Variants in MON1B observed in about 807,000 individuals in gnomAD.
The protein encoded by MON1B is vacuolar fusion protein MON1 homolog B.
In MON1B, 26 loss-of-function variants were observed where a neutral mutation model predicts 45.1. That is an observed-to-expected ratio of 0.58 (90% CI 0.42 to 0.80). MON1B has a LOEUF of 0.80. Ranked by LOEUF, MON1B falls within the 30% of genes least tolerant of loss-of-function variation. The probability of loss-of-function intolerance (pLI) is 0.00; values close to 1 mark genes in which losing one functional copy is unlikely to be tolerated. For missense variants in MON1B, 737 were observed against 754.5 expected (o/e 0.98, Z 0.27); for synonymous variants, 395 against 320.2 (o/e 1.23, Z -2.49).
rs200261417 is a variant in MON1B at position 77,198,326 on chromosome 16, C to A, written c.*18C>A. ...GACTCTGATAGTTGGAGCTCCCAGA[C>A]CAGGCAGTGCTGGGAGCAACCACCT... On this transcript the variant is annotated 3_prime_UTR_variant, in exon 6 of 6. Coordinates refer to ENST00000248248, the MANE Select transcript of MON1B (RefSeq NM_014940.4). 57 of 1,608,480 alleles carry A rather than the reference C, an allele frequency of 3.5e-5. No individual in the cohort carries two copies. The highest frequency in any genetic ancestry group is 4.3e-6 in the Non-Finnish European group (5 of 1,174,872).
Position 77,195,559 on chromosome 16 carries a change from C to T in MON1B, c.1320C>T (p.Ser440=), listed in dbSNP as rs778827471. The change falls in exon 5 of 6, where the codon AGC becomes AGT. Residue 440 remains serine, a synonymous_variant. Transcript: ENST00000248248. The part of the protein sequence containing the change: ...FTSPELEAPY[S]REEERQRLSD... ...GCCCTGAGCTAGAGGCCCCCTACAG[C>T]AGAGAGGAGGAGCGGCAGCGGCTGT... is the stretch of plus-strand genomic sequence containing the variant. 2 of 1,613,926 alleles carry T rather than the reference C, an allele frequency of 1.2e-6. No individual in the cohort carries two copies. The highest frequency in any genetic ancestry group is 1.7e-6 in the Non-Finnish European group (2 of 1,179,904).
rs1229854135 is a variant in MON1B, at chr16:77,200,274, G to GTATATATATATATATATATATA, written c.*1984_*1985insTATATATATATATATATATATA. 7.9e-5 allele frequency: 9 copies of GTATATATATATATATATATATA among 113,570 alleles called. No homozygotes were observed. The highest frequency in any genetic ancestry group is 2.6e-4 in the South Asian group (1 of 3,862). The allele number at this position is 113,570 out of a possible 1,614,324, so 7.0% of individuals were successfully genotyped here. A position where few individuals can be genotyped will look rare whatever the true frequency, so the allele number is the denominator to read the frequency against. On this transcript the variant is annotated 3_prime_UTR_variant, in exon 6 of 6. Transcript: ENST00000248248. ...TATATGTGTATATATATATATATGTGTATATATATATATATATACACACAC... is the reference window on the plus strand; with the variant it reads ...TATATGTGTATATATATATATATGTGTATATATATATATATATATATATATATATATATATATATACACACAC...
chr16:77,194,327 T>C lies in MON1B; in HGVS notation c.476-8T>C, dbSNP rs1004502466. 10 of 1,601,530 alleles carry C rather than the reference T, an allele frequency of 6.2e-6. No individual in the cohort carries two copies. The Admixed American group carries it at 1.7e-4, about 27-fold the overall frequency. ...TGTACCCCCCCTTCTTACCCCTTCCTTCCCTAGAGGACCACAAGCTGGTGT... is the reference window on the plus strand; with the variant it reads ...TGTACCCCCCCTTCTTACCCCTTCCCTCCCTAGAGGACCACAAGCTGGTGT... On this transcript the variant is annotated splice_polypyrimidine_tract_variant and splice_region_variant and intron_variant, in intron 3 of 5. Transcript: ENST00000248248. The surrounding 1 kb of genome is among the most constrained non-coding windows in gnomAD (Gnocchi z 8.1).
At chr16:77,197,527 A>G (rs2054678237) in intron 5 of MON1B, among the ~76,000 whole-genome samples, 1 of 152,170 alleles carries the variant, frequency 6.6e-6, no homozygotes, top group Non-Finnish European at 1.5e-5. Flanking sequence ...GGATATTAGG[A>G]GGAAGAGTAC....
chr16:77,191,457 C>G lies in MON1B; in HGVS notation c.-10-19C>G, dbSNP rs755786485. The G allele has an allele frequency of 3.2e-6, 5 of 1,583,946 alleles. No homozygotes were observed. In the South Asian group the frequency reaches 5.7e-5, roughly 18 times the overall value. On this transcript the variant is annotated intron_variant, in intron 1 of 5. Coordinates refer to ENST00000248248, the MANE Select transcript of MON1B (RefSeq NM_014940.4). ...AGTTTCTTTCACCGCCCGTCACCCT[C>G]GATTCCCCTCCCACTCAGGGATGTG...
chr16:77,193,479 C>A lies in MON1B; in HGVS notation c.177C>A (p.Ser59Arg). The A allele has an allele frequency of 6.3e-7, 1 of 1,578,190 alleles. No homozygotes were observed. Reference sequence around the variant, plus strand: ...CCAAGGACAAGGACCAGCCACCCAGCCCATCACCACCGCCCCAGTCAGAGG... The same window carrying A: ...CCAAGGACAAGGACCAGCCACCCAGACCATCACCACCGCCCCAGTCAGAGG... ...TGSKDKDQPP[S>R]PSPPPQSEAL... The change falls in exon 3 of 6, where the codon AGC (serine) becomes AGA (arginine). Residue 59 changes from serine (S) to arginine (R), a missense_variant. Physicochemically the swap from Ser to Arg is moderately radical, Grantham distance 110. Coordinates refer to ENST00000248248, the MANE Select transcript of MON1B (RefSeq NM_014940.4). This position sits in a 1 kb window ranked among gnomAD's most constrained non-coding sequence, Gnocchi z 5.0.
At chr16:77,197,193 C>G (rs1243599658) in intron 5 of MON1B, among the ~76,000 whole-genome samples, 4 of 151,908 alleles carry the variant, frequency 2.6e-5, no homozygotes, top group African/African-American at 7.3e-5. Flanking sequence ...GTCAGGAGTT[C>G]GAGACCAGCC....
rs370993563 is a variant in MON1B, at chr16:77,191,303, T to G, written c.-11+45T>G. On this transcript the variant is annotated intron_variant, in intron 1 of 5. Transcript: ENST00000248248. ...TCCTGAGGCCCAGTAGAGTCTCCTC[T>G]TTTCGGAAAGTGTTGGAGGGGGGAC... The G allele has an allele frequency of 2.4e-5, 37 of 1,535,880 alleles. No individual in the cohort carries two copies. The East Asian group carries it at 6.6e-4, about 27-fold the overall frequency.
In MON1B at chr16:77,201,477, T is replaced by C. The variant is rs933225502; in HGVS notation, c.*3169T>C. 11 of 152,212 alleles carry C rather than the reference T, an allele frequency of 7.2e-5. No individual in the cohort carries two copies. Among genetic ancestry groups the C allele is most frequent in the African/African-American group, 2.7e-4 (11 of 41,458 alleles). 9.4% of individuals were successfully genotyped at this position (152,212 alleles called of 1,614,324 possible). On this transcript the variant is annotated 3_prime_UTR_variant, in exon 6 of 6. Coordinates refer to ENST00000248248, the MANE Select transcript of MON1B (RefSeq NM_014940.4). The stretch of plus-strand genomic sequence containing the variant: ...GCATAGTATCTGGTATTGACGACCT[T>C]GTAGAGAAACAGGCCTTTTCCTGCC...
chr16:77,199,353 G>A lies in MON1B; in HGVS notation c.*1045G>A. ...CTGATTTAACCGCTGGCGTAACCGC[G>A]GGTTGCACGCATGCGTGCTGAAAAG... On this transcript the variant is annotated 3_prime_UTR_variant, in exon 6 of 6. Transcript: ENST00000248248. 4.9e-6 allele frequency: 6 copies of A among 1,215,340 alleles called. No individual in the cohort carries two copies. Among genetic ancestry groups the A allele is most frequent in the Non-Finnish European group, 7.0e-6 (6 of 854,580 alleles). The allele number at this position is 1,215,340 out of a possible 1,614,324, so 75.3% of individuals were successfully genotyped here.
In MON1B at chr16:77,202,309, G is replaced by C. The variant is rs545393128; in HGVS notation, c.*4001G>C. On this transcript the variant is annotated 3_prime_UTR_variant, in exon 6 of 6. Transcript: ENST00000248248. ...AGAATCACTCACAAATGGGAAATCTGATATAAGGACAAAATGGGAGCACTG... is the reference window on the plus strand; with the variant it reads ...AGAATCACTCACAAATGGGAAATCTCATATAAGGACAAAATGGGAGCACTG... The C allele has an allele frequency of 1.3e-5, 2 of 152,298 alleles. No individual in the cohort carries two copies. Among genetic ancestry groups the C allele is most frequent in the East Asian group, 3.9e-4 (2 of 5,188 alleles). The allele number at this position is 152,298 out of a possible 1,614,324, so 9.4% of individuals were successfully genotyped here.
rs577294720 is a variant in MON1B at position 77,195,075 on chromosome 16, G to A, written c.1216G>A (p.Gly406Arg). 1.0e-5 allele frequency: 16 copies of A among 1,605,676 alleles called. No individual in the cohort carries two copies. Among genetic ancestry groups the A allele is most frequent in the East Asian group, 8.9e-5 (4 of 44,818 alleles). ...TCCTGCCTACAGCGTGCAGGCTGTCGGGGCGCCGGGCCTCCGGCACTTCCT... is the reference window on the plus strand; with the variant it reads ...TCCTGCCTACAGCGTGCAGGCTGTCAGGGCGCCGGGCCTCCGGCACTTCCT... ...SAPAYSVQAV[G>R]APGLRHFLYK... Residue 406 changes from glycine (G) to arginine (R), a missense_variant, in exon 4 of 6, where the codon GGG becomes AGG. Physicochemically the swap from Gly to Arg is moderately radical, Grantham distance 125. Transcript: ENST00000248248.
In MON1B at chr16:77,200,300, T is replaced by A. The variant is rs1272506455; in HGVS notation, c.*1992T>A. On this transcript the variant is annotated 3_prime_UTR_variant, in exon 6 of 6. Transcript: ENST00000248248. ...TATATATATATATATATACACACAC[T>A]AATCAGCCGGGCGCGGTGGTGTGGG... 2 of 58,396 alleles carry A rather than the reference T, an allele frequency of 3.4e-5. No individual in the cohort carries two copies. The highest frequency in any genetic ancestry group is 1.5e-4 in the Admixed American group (1 of 6,768). 3.6% of individuals were successfully genotyped at this position (58,396 alleles called of 1,614,324 possible). A position where few individuals can be genotyped will look rare whatever the true frequency, so the allele number is the denominator to read the frequency against.
At position 77,195,297 on chromosome 16, in the gene MON1B, A is replaced by T. The variant is rs912006641; in HGVS notation, c.1295+143A>T. 10 of 1,023,586 alleles carry T rather than the reference A, an allele frequency of 9.8e-6. No individual in the cohort carries two copies. The African/African-American group carries it at 1.5e-4, about 15-fold the overall frequency. 63.4% of individuals were successfully genotyped at this position (1,023,586 alleles called of 1,614,324 possible). ...AGAACAAGTCTCTGTCTGATGATGG[A>T]GCATCAGCCACAGACCTAAAGGAAT... On this transcript the variant is annotated intron_variant, in intron 4 of 5. Transcript: ENST00000248248.
Position 77,193,499 on chromosome 16 carries a change from C to T in MON1B, c.197C>T (p.Ser66Leu), listed in dbSNP as rs758704679. ...CCCAGCCCATCACCACCGCCCCAGT[C>T]AGAGGCCCTGTCAAGCACCTCTCGG... ...QPPSPSPPPQ[S>L]EALSSTSRLW... Residue 66 changes from serine to leucine, a missense_variant, in exon 3 of 6, where the codon TCA (serine) becomes TTA (leucine). Ser to Leu is a moderately radical substitution (Grantham distance 145, BLOSUM62 -2). Coordinates refer to ENST00000248248, the MANE Select transcript of MON1B (RefSeq NM_014940.4). The surrounding 1 kb of genome is among the most constrained non-coding windows in gnomAD (Gnocchi z 5.0). 6.2e-7 allele frequency: 1 copy of T among 1,602,540 alleles called. No homozygotes were observed. Among genetic ancestry groups the T allele is most frequent in the Non-Finnish European group, 8.5e-7 (1 of 1,172,936 alleles).
Position 77,199,382 on chromosome 16 carries a change from T to G in MON1B, c.*1074T>G, listed in dbSNP as rs1025136002. On this transcript the variant is annotated 3_prime_UTR_variant, in exon 6 of 6. Transcript: ENST00000248248. ...TGCACGCATGCGTGCTGAAAAGCCT[T>G]TCACCCTCACGTGGTTTCTTTTTTA... 7.4e-6 allele frequency: 11 copies of G among 1,491,642 alleles called. No homozygotes were observed. The highest frequency in any genetic ancestry group is 9.1e-6 in the Non-Finnish European group (10 of 1,095,774). 92.4% of individuals were successfully genotyped at this position (1,491,642 alleles called of 1,614,324 possible). A position where few individuals can be genotyped will look rare whatever the true frequency, so the allele number is the denominator to read the frequency against.
Position 77,199,329 on chromosome 16 carries a change from TG to T in MON1B, c.*1022del. On this transcript the variant is annotated 3_prime_UTR_variant, in exon 6 of 6. Transcript: ENST00000248248. Reference sequence around the variant, plus strand: ...TCTGCGCCTGCCCAGAGCTGACTCCTGATTTAACCGCTGGCGTAACCGCGGG... The same window carrying T: ...TCTGCGCCTGCCCAGAGCTGACTCCTATTTAACCGCTGGCGTAACCGCGGG... 1 of 931,992 alleles carries T rather than the reference TG, an allele frequency of 1.1e-6. No individual in the cohort carries two copies. Among genetic ancestry groups the T allele is most frequent in the Non-Finnish European group, 1.6e-6 (1 of 609,296 alleles). 57.7% of individuals were successfully genotyped at this position (931,992 alleles called of 1,614,324 possible). A position where few individuals can be genotyped will look rare whatever the true frequency, so the allele number is the denominator to read the frequency against.
In MON1B at chr16:77,195,649, C is replaced by T; in HGVS notation, c.1410C>T (p.Tyr470=). The T allele has an allele frequency of 6.2e-7, 1 of 1,614,158 alleles. No individual in the cohort carries two copies. The highest frequency in any genetic ancestry group is 8.5e-7 in the Non-Finnish European group (1 of 1,180,032). The change falls in exon 5 of 6, where the codon TAC becomes TAT. Residue 470 remains tyrosine (Y), a synonymous_variant. Transcript: ENST00000248248. Reference sequence around the variant, plus strand: ...CCTCCCGACCCCTGCGCCTCATTTACCACGTGGCTGAGAAGGAGACACTAC... The same window carrying T: ...CCTCCCGACCCCTGCGCCTCATTTATCACGTGGCTGAGAAGGAGACACTAC... ...HSTSRPLRLI[Y]HVAEKETLLA...
Position 77,199,698 on chromosome 16 carries a change from A to G in MON1B, c.*1390A>G. The G allele has an allele frequency of 1.8e-6, 1 of 547,610 alleles. No homozygotes were observed. Among genetic ancestry groups the G allele is most frequent in the South Asian group, 2.7e-5 (1 of 36,704 alleles). 33.9% of individuals were successfully genotyped at this position (547,610 alleles called of 1,614,324 possible). ...ACAGTGGAGATAAATTAACAGGCAT[A>G]TTCTTATCACCGAGATTAACTTTTG... On this transcript the variant is annotated 3_prime_UTR_variant, in exon 6 of 6. Coordinates refer to ENST00000248248, the MANE Select transcript of MON1B (RefSeq NM_014940.4).
Sources: gnomAD v4.1 joint callset for allele counts (sites outside exome capture counted in the v4.1 genomes callset) on GRCh38, gnomAD v4.1.1 for gene constraint, Gnocchi (gnomAD v3.1) non-coding constraint, MANE v1.5 for transcripts, NCBI Gene and HGNC (gene_info 2026-07-23, HGNC 2026-07-21) for gene names.